The following TP63 variants were observed in gnomAD, a reference collection of about 807,000 sequenced individuals.
TP63 encodes tumor protein p63.
Under a neutral mutation model 82.8 loss-of-function variants are expected in TP63, and 17 were observed. That is an observed-to-expected ratio of 0.21 (90% CI 0.14 to 0.31). TP63 has a LOEUF of 0.31. Among genes scored for constraint, TP63 ranks in the 10% least tolerant of loss-of-function variants. TP63 has a pLI of 1.00. For missense variants in TP63, 648 were observed against 895.3 expected, an observed-to-expected ratio of 0.72 and a Z score of 3.52; for synonymous variants, 330 against 321.7, an observed-to-expected ratio of 1.03 and a Z score of -0.28.
chr3:189,725,168 A>G (rs1321188102), intron 1 of TP63, among the ~76,000 whole-genome samples: 1 of 152,184 alleles, frequency 6.6e-6, no homozygotes, highest in African/African-American at 2.4e-5. Context: ...AATTTTGTGT[A>G]TTTAATTTAC....
In TP63 at chr3:189,649,766, G is replaced by A. The variant is rs781542800; in HGVS notation, c.62+18189G>A. On this transcript the variant is annotated intron_variant, in intron 1 of 13. Coordinates refer to ENST00000264731, the MANE Select transcript of TP63 (RefSeq NM_003722.5). ...CTGAGGGGAATGAGGATGGAACTTG[G>A]TAGAGAAAGAGCATTCCAGACAAGG... is the stretch of plus-strand genomic sequence containing the variant. Among the ~76,000 whole-genome samples the A allele has an allele frequency of 2.0e-5, 3 of 146,990 alleles. 1 individual carries two copies. The highest frequency in any genetic ancestry group is 4.5e-5 in the Non-Finnish European group (3 of 67,298).
intron 4 of TP63, among the ~76,000 whole-genome samples, chr3:189,834,997 G>A (rs571797140): frequency 6.6e-6 from 1 of 151,646 alleles, no homozygotes; most frequent in African/African-American, 2.4e-5. Flanking sequence ...ACTGAGATAG[G>A]GAAGAGTGAC....
At chr3:189,742,938 C>T (rs1721106035) in intron 3 of TP63, among the ~76,000 whole-genome samples, 1 of 151,566 alleles carries the variant, frequency 6.6e-6, no homozygotes, top group Non-Finnish European at 1.5e-5. Context: ...TTGATCAAAA[C>T]AGGGAAAGGA....
the TP63 span, among the ~76,000 whole-genome samples, chr3:189,616,860 A>G: frequency 6.6e-6 from 1 of 152,184 alleles, no homozygotes; most frequent in Non-Finnish European, 1.5e-5. Flanking sequence ...CAGAGCTTGC[A>G]TTGTGAGTCT....
intron 3 of TP63, among the ~76,000 whole-genome samples, chr3:189,754,161 CT>C (rs1212764014): frequency 2.0e-5 from 3 of 151,932 alleles, no homozygotes; most frequent in Middle Eastern, 3.2e-3. Flanking sequence ...GCATGCACCT[CT>C]TTTTTTTATC....
At chr3:189,821,090 C>T (rs1021366102) in intron 4 of TP63, among the ~76,000 whole-genome samples, 1 of 152,010 alleles carries the variant, frequency 6.6e-6, no homozygotes, top group Admixed American at 6.6e-5. Context: ...CATTAAATAT[C>T]TATTTGAATT....
chr3:189,669,661 A>AGGAATGTTTGG (rs1714722093), intron 1 of TP63, among the ~76,000 whole-genome samples: 1 of 152,074 alleles, frequency 6.6e-6, no homozygotes, highest in Non-Finnish European at 1.5e-5. Flanking sequence ...ATGTTTTGGA[A>AGGAATGTTTGG]AATGGGCTCT....
At chr3:189,854,800 TACTC>T (rs1356798690) in intron 4 of TP63, among the ~76,000 whole-genome samples, 6 of 152,180 alleles carry the variant, frequency 3.9e-5, no homozygotes, top group South Asian at 2.1e-4. Flanking sequence ...TCGTTTTAAA[TACTC>T]AAGAAAATCA....
chr3:189,759,938 A>T (rs1156244039), intron 3 of TP63, among the ~76,000 whole-genome samples: 1 of 152,236 alleles, frequency 6.6e-6, no homozygotes, highest in Non-Finnish European at 1.5e-5. Context: ...TCTTATGTGG[A>T]TGGCAGCAGG....
At chr3:189,721,032 C>A (rs529563799) in intron 1 of TP63, among the ~76,000 whole-genome samples, 1 of 152,260 alleles carries the variant, frequency 6.6e-6, no homozygotes, top group African/African-American at 2.4e-5. Context: ...TGATTGGCTT[C>A]CGATGAAGTT....
intron 1 of TP63, among the ~76,000 whole-genome samples, chr3:189,683,602 G>C (rs4118375): frequency 0.18 from 27,163 of 152,148 alleles, 2,457 homozygotes; most frequent in East Asian, 0.26. Context: ...TCAACAGCCA[G>C]TGAATCAGTT....
intron 4 of TP63, among the ~76,000 whole-genome samples, chr3:189,823,452 C>T (rs945307293): frequency 5.3e-5 from 8 of 152,104 alleles, no homozygotes; most frequent in South Asian, 2.1e-4. Context: ...GAGAATGCCA[C>T]GGCATGCAGA....
intron 1 of TP63, among the ~76,000 whole-genome samples, chr3:189,652,278 C>T (rs1712962018): frequency 6.8e-6 from 1 of 147,064 alleles, no homozygotes; most frequent in African/African-American, 2.6e-5. Flanking sequence ...GGGAGCCCAC[C>T]TCTTGTATCA....
chr3:189,840,646 G>T (rs1161098380), intron 4 of TP63, among the ~76,000 whole-genome samples: 1 of 151,668 alleles, frequency 6.6e-6, no homozygotes, highest in Non-Finnish European at 1.5e-5. Context: ...GGATCACGAG[G>T]TCAGAAGTTC....
rs148173115 is a variant in TP63 at position 189,869,871 on chromosome 3, A to G, written c.1212+465A>G. On this transcript the variant is annotated intron_variant, in intron 9 of 13. Transcript: ENST00000264731. ...GGAAGGACAGAAACCTTCAGTCCAT[A>G]ATGGGGAAGAGGGGAGACGGTTGAG... Among the ~76,000 whole-genome samples the G allele has an allele frequency of 2.8e-4, 43 of 152,244 alleles. No individual in the cohort carries two copies. The East Asian group carries it at 7.9e-3, about 28-fold the overall frequency.
intron 4 of TP63, among the ~76,000 whole-genome samples, chr3:189,858,977 G>A (rs191125394): frequency 4.8e-4 from 73 of 152,232 alleles, no homozygotes; most frequent in African/African-American, 1.7e-3. Context: ...GACACGGGGT[G>A]AGGGGAAATG....
chr3:189,657,269 A>C (rs929385972), intron 1 of TP63, among the ~76,000 whole-genome samples: 1 of 152,116 alleles, frequency 6.6e-6, no homozygotes, highest in African/African-American at 2.4e-5. Context: ...TGATGCATAC[A>C]TGATATTATG....
chr3:189,613,678 A>G, the TP63 span, among the ~76,000 whole-genome samples: 2 of 152,256 alleles, frequency 1.3e-5, no homozygotes, highest in African/African-American at 4.8e-5. Flanking sequence ...CACTCATGAA[A>G]GCAGCTGGGA....
At chr3:189,880,792 T>A (rs1341431022) in intron 10 of TP63, 1 of 985,324 alleles carries the variant, frequency 1.0e-6, no homozygotes. Context: ...GAGTTCTTTG[T>A]GAGAACTTGC....
Sources: gnomAD v4.1 joint callset for allele counts (sites outside exome capture counted in the v4.1 genomes callset) on GRCh38, gnomAD v4.1.1 for gene constraint, MANE v1.5 for transcripts, NCBI Gene and HGNC (gene_info 2026-07-23, HGNC 2026-07-21) for gene names.